The following UGT2B15 variants were observed in gnomAD, a reference collection of about 807,000 sequenced individuals.
UGT2B15 encodes the protein UDP glucuronosyltransferase family 2 member B15.
In UGT2B15, 36 loss-of-function variants were observed where a neutral mutation model predicts 45.9. The observed-to-expected ratio is 0.78, with a 90% CI of 0.60 to 1.04. The LOEUF (loss-of-function observed/expected upper bound fraction) is 1.04, where lower values mean the gene tolerates loss of function less well. Ranked by LOEUF, UGT2B15 falls within the 50% of genes least tolerant of loss-of-function variation. The pLI is 0.00. For missense variants in UGT2B15, 617 were observed against 622.4 expected (o/e 0.99, Z 0.09); for synonymous variants, 219 against 216.4 (o/e 1.01, Z -0.11).
intron 2 of UGT2B15, among the ~76,000 whole-genome samples, chr4:68,667,642 T>G (rs1578201252): frequency 1.3e-5 from 2 of 152,310 alleles, no homozygotes; most frequent in South Asian, 4.1e-4. Context: ...TTTTCACTTG[T>G]TTTTATTCTA....
At chr4:68,649,485 G>A (rs1195520404) in intron 5 of UGT2B15, among the ~76,000 whole-genome samples, 1 of 151,532 alleles carries the variant, frequency 6.6e-6, no homozygotes, top group Non-Finnish European at 1.5e-5. Flanking sequence ...TCACCATGTT[G>A]GCCAGGCTGG....
intron 3 of UGT2B15, among the ~76,000 whole-genome samples, chr4:68,660,471 C>G (rs1464767989): frequency 6.6e-6 from 1 of 151,822 alleles, no homozygotes; most frequent in Non-Finnish European, 1.5e-5. Flanking sequence ...AAAGTTCCAT[C>G]AAAGCCACTT....
At chr4:68,656,216 G>A (rs1732799969) in intron 3 of UGT2B15, among the ~76,000 whole-genome samples, 1 of 152,044 alleles carries the variant, frequency 6.6e-6, no homozygotes, top group Non-Finnish European at 1.5e-5. Flanking sequence ...GCTCCCAGGA[G>A]GGAGGATGAA....
intron 1 of UGT2B15, among the ~76,000 whole-genome samples, chr4:68,669,549 T>C (rs7667940): frequency 0.019 from 2,867 of 152,282 alleles, 84 homozygotes; most frequent in African/African-American, 0.065. Flanking sequence ...ACTAAATTTA[T>C]GTGTCTGCCT....
chr4:68,649,576 C>G (rs574767758), intron 5 of UGT2B15, among the ~76,000 whole-genome samples: 1 of 151,730 alleles, frequency 6.6e-6, no homozygotes, highest in Non-Finnish European at 1.5e-5. Context: ...CCACCACACC[C>G]GGTCTCCATA....
Position 68,670,400 on chromosome 4 carries a change from T to C in UGT2B15, c.219A>G (p.Lys73=), listed in dbSNP as rs1316457991. ...TTAAAGATGTAGGATAAACTTCTAA[T>C]TTAATAGCAGATGATTTACTGGCAT... ...LVNASKSSAI[K]LEVYPTSLTK... is the part of the protein sequence containing the mutation. Residue 73 remains lysine (K), a synonymous_variant, in exon 1 of 6, where the codon AAA becomes AAG. Coordinates refer to ENST00000338206, the MANE Select transcript of UGT2B15 (RefSeq NM_001076.4). The C allele has an allele frequency of 1.2e-5, 19 of 1,613,580 alleles. No individual in the cohort carries two copies. The highest frequency in any genetic ancestry group is 1.4e-5 in the Non-Finnish European group (17 of 1,179,960).
At chr4:68,666,083 C>T (rs1174994147) in intron 2 of UGT2B15, among the ~76,000 whole-genome samples, 1 of 152,100 alleles carries the variant, frequency 6.6e-6, no homozygotes, top group African/African-American at 2.4e-5. Context: ...TCTCTTCCCC[C>T]TGCTACTGGC....
At chr4:68,649,410 C>T (rs1732585377) in intron 5 of UGT2B15, among the ~76,000 whole-genome samples, 1 of 148,324 alleles carries the variant, frequency 6.7e-6, no homozygotes, top group South Asian at 2.1e-4. Flanking sequence ...TCCCAAGTAT[C>T]TGGGACTACA....
chr4:68,656,112 T>G (rs1025034506), intron 3 of UGT2B15, among the ~76,000 whole-genome samples: 3 of 151,768 alleles, frequency 2.0e-5, no homozygotes, highest in Middle Eastern at 3.4e-3. Context: ...CTCCTTTTTG[T>G]TTTTTTTGGA....
intron 5 of UGT2B15, among the ~76,000 whole-genome samples, chr4:68,650,232 G>T (rs1215766535): frequency 6.6e-6 from 1 of 151,948 alleles, no homozygotes; most frequent in Non-Finnish European, 1.5e-5. Context: ...GTGCCATGGT[G>T]GTTTGCAGCA....
chr4:68,669,807 ATC>A (rs1021983890), intron 1 of UGT2B15, 86 bp downstream of exon 1: 7 of 1,488,486 alleles, frequency 4.7e-6, no homozygotes, highest in Non-Finnish European at 6.3e-6. Context: ...TAAAAACACT[ATC>A]TTCTGACATT....
Position 68,663,028 on chromosome 4 carries a change from G to C in UGT2B15, c.985C>G (p.Leu329Val), listed in dbSNP as rs762892159. Residue 329 changes from leucine to valine, a missense_variant, in exon 3 of 6, where the codon CTT (leucine) becomes GTT (valine). Leu to Val is a conservative substitution (Grantham distance 32). This residue lies in a region of UGT2B15 where 265 missense variants were observed against 245.1 expected (regional missense o/e 1.08). Coordinates refer to ENST00000338206, the MANE Select transcript of UGT2B15 (RefSeq NM_001076.4). ...EESANMIASA[L>V]AQIPQKVLWR... ...CTAACCTTTTGTGGGATCTGGGCAAGGGCTGATGCAATCATGTTGGCACTT... is the reference window on the plus strand; with the variant it reads ...CTAACCTTTTGTGGGATCTGGGCAACGGCTGATGCAATCATGTTGGCACTT... 1.3e-6 allele frequency: 2 copies of C among 1,529,952 alleles called. No homozygotes were observed. Among genetic ancestry groups the C allele is most frequent in the Non-Finnish European group, 1.8e-6 (2 of 1,126,312 alleles). The allele number at this position is 1,529,952 out of a possible 1,614,324, so 94.8% of individuals were successfully genotyped here.
chr4:68,656,695 G>C (rs984119033), intron 3 of UGT2B15, among the ~76,000 whole-genome samples: 11 of 152,010 alleles, frequency 7.2e-5, no homozygotes, highest in African/African-American at 2.7e-4. Flanking sequence ...TCTAGAGAAG[G>C]CTTCTAATGA....
At chr4:68,650,141 A>AT (rs1394754015) in intron 5 of UGT2B15, among the ~76,000 whole-genome samples, 3 of 151,810 alleles carry the variant, frequency 2.0e-5, no homozygotes, top group Non-Finnish European at 4.4e-5. Flanking sequence ...GTCAGTTCAA[A>AT]TTTTTTTAAA....
chr4:68,661,567 T>C (rs149878522), intron 3 of UGT2B15, among the ~76,000 whole-genome samples: 1,893 of 152,214 alleles, frequency 0.012, 42 homozygotes, highest in African/African-American at 0.044. Context: ...AGTTTACTTA[T>C]ATCCACTTGT....
chr4:68,661,188 G>C (rs1263136771), intron 3 of UGT2B15, among the ~76,000 whole-genome samples: 1 of 151,856 alleles, frequency 6.6e-6, no homozygotes, highest in African/African-American at 2.4e-5. Context: ...AAGCCTGGGG[G>C]CCCCAAAGTC....
intron 3 of UGT2B15, among the ~76,000 whole-genome samples, chr4:68,660,929 G>GT (rs766714664): frequency 1.6e-4 from 25 of 151,804 alleles, no homozygotes; most frequent in South Asian, 6.2e-4. Context: ...TCAGAGTAAT[G>GT]GGCCTATATT....
At chr4:68,649,770 T>C (rs1248258358) in intron 5 of UGT2B15, among the ~76,000 whole-genome samples, 1 of 152,036 alleles carries the variant, frequency 6.6e-6, no homozygotes, top group Non-Finnish European at 1.5e-5. Context: ...AGATCACTAT[T>C]TTGTCTTTTC....
rs1490310763 is a variant in UGT2B15 at position 68,654,105 on chromosome 4, A to G, written c.1245T>C (p.Ser415=). The part of the protein sequence containing the change: ...AHMKAKGAAL[S]VDIRTMSSRD... ...TACTTGACATGGTCCTGATGTCCAC[A>G]CTGAGGGCTGCTCCCTTGGCTTTCA... The change falls in exon 5 of 6, where the codon AGT becomes AGC. Residue 415 remains serine (S), a synonymous_variant. Coordinates refer to ENST00000338206, the MANE Select transcript of UGT2B15 (RefSeq NM_001076.4). The G allele has an allele frequency of 5.0e-6, 8 of 1,613,542 alleles. No individual in the cohort carries two copies. The Admixed American group carries it at 6.7e-5, about 13-fold the overall frequency.
Sources: gnomAD v4.1 joint callset for allele counts (sites outside exome capture counted in the v4.1 genomes callset) on GRCh38, gnomAD v4.1.1 for gene constraint, gnomAD v4.1.1 regional missense constraint, MANE v1.5 for transcripts, NCBI Gene and HGNC (gene_info 2026-07-23, HGNC 2026-07-21) for gene names.